SYT16: variants seen among roughly 807,000 people sequenced by gnomAD.
The protein encoded by SYT16 is synaptotagmin 16.
Under a neutral mutation model 61.4 loss-of-function variants are expected in SYT16, and 42 were observed. The ratio of observed to expected loss-of-function variants is 0.68; its 90% confidence interval spans 0.53 to 0.89. The LOEUF (loss-of-function observed/expected upper bound fraction) is 0.89, where lower values mean the gene tolerates loss of function less well. SYT16 is among the 40% of genes least tolerant of loss of function. SYT16 has a pLI of 0.00. For synonymous variants in SYT16, 314 were observed against 302.3 expected (o/e 1.04, Z -0.40); for missense variants, 804 against 807.3 (o/e 1.00, Z 0.05).
At chr14:62,032,524 A>G (rs753838427) in intron 3 of SYT16, among the ~76,000 whole-genome samples, 3 of 152,072 alleles carry the variant, frequency 2.0e-5, no homozygotes, top group African/African-American at 4.8e-5. Context: ...GAAAATTCTT[A>G]CTTGAATTTA....
chr14:61,920,126 A>G (rs374690424), intron 1 of SYT16, among the ~76,000 whole-genome samples: 1 of 151,892 alleles, frequency 6.6e-6, no homozygotes, highest in Non-Finnish European at 1.5e-5. Context: ...TTGGCCTCTT[A>G]TTCATCTGGT....
chr14:61,920,927 A>C (rs2049311487), intron 1 of SYT16, among the ~76,000 whole-genome samples: 1 of 152,190 alleles, frequency 6.6e-6, no homozygotes, highest in Non-Finnish European at 1.5e-5. Flanking sequence ...GACCCTTTAC[A>C]GTCTGACTCC....
intron 3 of SYT16, among the ~76,000 whole-genome samples, chr14:62,013,111 A>G (rs1566763763): frequency 6.6e-6 from 1 of 152,212 alleles, no homozygotes; most frequent in Non-Finnish European, 1.5e-5. Flanking sequence ...CTTTTTACAT[A>G]TATTATTTAA....
chr14:61,858,906 GTGCGGCTGTGCGA>G (rs2046869131), intron 1 of SYT16, among the ~76,000 whole-genome samples: 1 of 150,058 alleles, frequency 6.7e-6, no homozygotes, highest in African/African-American at 2.5e-5. Flanking sequence ...CCAGGCTGGA[GTGCGGCTGTGCGA>G]TCTCGGCTCA....
At chr14:61,815,075 A>G (rs1015115765) in intron 1 of SYT16, among the ~76,000 whole-genome samples, 5 of 152,210 alleles carry the variant, frequency 3.3e-5, no homozygotes, top group African/African-American at 1.2e-4. Context: ...TTTAACATGC[A>G]TCAGAGTTAC....
chr14:61,912,719 A>G (rs943855704), intron 1 of SYT16, among the ~76,000 whole-genome samples: 2 of 152,186 alleles, frequency 1.3e-5, no homozygotes, highest in Non-Finnish European at 2.9e-5. Flanking sequence ...GTTTTAGGCT[A>G]TCAGTCCATT....
chr14:62,094,269 C>T (rs1490905040), intron 7 of SYT16, among the ~76,000 whole-genome samples: 1 of 152,094 alleles, frequency 6.6e-6, no homozygotes, highest in Non-Finnish European at 1.5e-5. Context: ...AAATCTCTTT[C>T]TTCAGAGATC....
intron 1 of SYT16, among the ~76,000 whole-genome samples, chr14:61,831,090 T>G (rs2140234284): frequency 6.6e-6 from 1 of 152,350 alleles, no homozygotes. Context: ...CATTTGCCAA[T>G]GTCTAAGACA....
At chr14:61,830,674 G>A (rs140872483) in intron 1 of SYT16, among the ~76,000 whole-genome samples, 3 of 152,282 alleles carry the variant, frequency 2.0e-5, no homozygotes, top group Non-Finnish European at 2.9e-5. Flanking sequence ...GAGGTAGGGT[G>A]TTGCCTCTTG....
chr14:61,844,562 A>G (rs2046386919), intron 1 of SYT16, among the ~76,000 whole-genome samples: 1 of 152,116 alleles, frequency 6.6e-6, no homozygotes, highest in South Asian at 2.1e-4. Flanking sequence ...ATGTTCCTCT[A>G]TACCCATTTT....
At chr14:61,880,283 A>G (rs749471171) in intron 1 of SYT16, among the ~76,000 whole-genome samples, 19 of 152,158 alleles carry the variant, frequency 1.2e-4, no homozygotes, top group Non-Finnish European at 2.1e-4. Context: ...ATAAACTTCC[A>G]TATGTGGGTA....
At chr14:62,068,881 C>T (rs2056175127) in intron 3 of SYT16, among the ~76,000 whole-genome samples, 2 of 152,122 alleles carry the variant, frequency 1.3e-5, no homozygotes, top group Non-Finnish European at 2.9e-5. Context: ...CTGCAACCTC[C>T]ACTTCCTGGG....
At chr14:61,853,029 C>G (rs2140274276) in intron 1 of SYT16, among the ~76,000 whole-genome samples, 1 of 152,282 alleles carries the variant, frequency 6.6e-6, no homozygotes, top group East Asian at 1.9e-4. Context: ...AGTGATTCTC[C>G]TGCCTCAGCC....
At chr14:62,000,548 A>G (rs1020335753) in intron 3 of SYT16, among the ~76,000 whole-genome samples, 3 of 151,916 alleles carry the variant, frequency 2.0e-5, no homozygotes, top group Non-Finnish European at 4.4e-5. Context: ...ATTTAATATA[A>G]TTGTTGATAT....
intron 1 of SYT16, among the ~76,000 whole-genome samples, chr14:61,938,895 G>A (rs917313507): frequency 2.0e-5 from 3 of 152,226 alleles, no homozygotes; most frequent in Admixed American, 2.0e-4. Flanking sequence ...AGCACTTTGG[G>A]AGGCCAAGGC....
chr14:62,090,709 A>C (rs1208373473), intron 7 of SYT16, among the ~76,000 whole-genome samples: 2 of 152,206 alleles, frequency 1.3e-5, no homozygotes, highest in Non-Finnish European at 2.9e-5. Context: ...AAAGCAATAG[A>C]AAAGAAAAGA....
chr14:62,053,892 C>T (rs80039598), intron 3 of SYT16, among the ~76,000 whole-genome samples: 10,453 of 152,128 alleles, frequency 0.069, 463 homozygotes, highest in East Asian at 0.12. Context: ...AGTCGAGGTG[C>T]TTTTTGTGGA....
chr14:61,832,267 G>T, intron 1 of SYT16: 1 of 599,430 alleles, frequency 1.7e-6, no homozygotes. Flanking sequence ...TAAGCTGGGA[G>T]CGCATAGTCA....
At position 62,081,148 on chromosome 14, in the gene SYT16, C is replaced by T; in HGVS notation, c.1308C>T (p.Arg436=). 7 of 1,613,936 alleles carry T rather than the reference C, an allele frequency of 4.3e-6. No homozygotes were observed. Among genetic ancestry groups the T allele is most frequent in the Non-Finnish European group, 5.9e-6 (7 of 1,179,872 alleles). Residue 436 remains arginine, a synonymous_variant, in exon 6 of 8, where the codon CGC becomes CGT. Coordinates refer to ENST00000683842, the MANE Select transcript of SYT16 (RefSeq NM_001367656.1). ...TGGCTGCCTGTGCTGTCCGCTTCCG[C>T]CTGTACGCTGCCCGGAAGATGACCC... ...RDVAACAVRF[R]LYAARKMTRE... is the part of the protein sequence containing the mutation.
Sources: allele counts gnomAD v4.1 joint callset (sites outside exome capture counted in the v4.1 genomes callset), GRCh38; gene constraint gnomAD v4.1.1; transcripts MANE v1.5; gene names NCBI Gene and HGNC (gene_info 2026-07-23, HGNC 2026-07-21).